AGPAT4: variants seen among roughly 807,000 people sequenced by gnomAD.
AGPAT4 encodes 1-acylglycerol-3-phosphate O-acyltransferase 4, also known as 1-acyl-sn-glycerol-3-phosphate acyltransferase delta.
Under a neutral mutation model 48.0 loss-of-function variants are expected in AGPAT4, and 15 were observed. The ratio of observed to expected loss-of-function variants is 0.31; its 90% CI spans 0.21 to 0.48. AGPAT4 has a LOEUF of 0.48. Among genes scored for constraint, AGPAT4 ranks in the 20% least tolerant of loss-of-function variants. AGPAT4 has a pLI of 0.99. For synonymous variants in AGPAT4, 178 were observed against 198.7 expected (o/e 0.90, Z 0.88); for missense variants, 314 against 482.5 (o/e 0.65, Z 3.27).
chr6:161,261,779 T>C lies in AGPAT4; in HGVS notation c.-90+12159A>G, dbSNP rs1323772074. ...TCTTTATTCCTTTTCTCTTTCTTTA[T>C]GAGTGGACCTTCGGCTTCTGACTGC... is the stretch of plus-strand genomic sequence containing the variant. On this transcript the variant is annotated intron_variant, in intron 1 of 8. Coordinates refer to ENST00000320285, the MANE Select transcript of AGPAT4 (RefSeq NM_020133.3). The surrounding 1 kb of genome is among the most constrained non-coding windows in gnomAD (Gnocchi z 5.3). Among the ~76,000 whole-genome samples, 1 of 152,216 alleles carries C rather than the reference T, an allele frequency of 6.6e-6. No individual in the cohort carries two copies. Among genetic ancestry groups the C allele is most frequent in the Non-Finnish European group, 1.5e-5 (1 of 68,036 alleles).
rs915732559 is a variant in AGPAT4 at position 161,202,246 on chromosome 6, C to T, written c.178+29790G>A. Among the ~76,000 whole-genome samples the T allele has an allele frequency of 3.3e-5, 5 of 152,080 alleles. No homozygotes were observed. The highest frequency in any genetic ancestry group is 7.2e-5 in the African/African-American group (3 of 41,420). On this transcript the variant is annotated intron_variant, in intron 2 of 8. Coordinates refer to ENST00000320285, the MANE Select transcript of AGPAT4 (RefSeq NM_020133.3). This position sits in a 1 kb window ranked among gnomAD's most constrained non-coding sequence, Gnocchi z 5.4. ...TCTGGCTTGGGGTCTCTGGGGATGT[C>T]GCAGTCAAGATGTCAGCTGGGGCTT...
At chr6:161,188,806 G>A (rs889849710) in intron 2 of AGPAT4, among the ~76,000 whole-genome samples, 2 of 152,122 alleles carry the variant, frequency 1.3e-5, no homozygotes, top group East Asian at 1.9e-4. Flanking sequence ...AGCGGCCGTC[G>A]AATGGGGCTT....
chr6:161,143,843 T>C lies in AGPAT4; in HGVS notation c.843+2681A>G, dbSNP rs1779331294. 7.2e-6 allele frequency: 2 copies of C among 276,906 alleles called. No homozygotes were observed. Among genetic ancestry groups the C allele is most frequent in the Admixed American group, 9.5e-5 (2 of 20,962 alleles). 17.2% of individuals were successfully genotyped at this position (276,906 alleles called of 1,614,324 possible). On this transcript the variant is annotated intron_variant, in intron 7 of 8. Coordinates refer to ENST00000320285, the MANE Select transcript of AGPAT4 (RefSeq NM_020133.3). This position sits in a 1 kb window ranked among gnomAD's most constrained non-coding sequence, Gnocchi z 4.7. ...ATGTCCATGCTTGGAAAGACCAGAA[T>C]GTTGGCACACCTCTGTTGGCTGCCT...
Position 161,141,949 on chromosome 6 carries a change from G to A in AGPAT4, c.844-2329C>T, listed in dbSNP as rs554106044. Among the ~76,000 whole-genome samples, 27 of 151,838 alleles carry A rather than the reference G, an allele frequency of 1.8e-4. No homozygotes were observed. The highest frequency in any genetic ancestry group is 3.9e-4 in the Admixed American group (6 of 15,262). On this transcript the variant is annotated intron_variant, in intron 7 of 8. Transcript: ENST00000320285. The surrounding 1 kb of genome is among the most constrained non-coding windows in gnomAD (Gnocchi z 6.7). ...ACGATCTCCTCTCACTGCAACCTCCGCCTCCCGGGTTCAAGCAATTTTCCC... is the reference window on the plus strand; with the variant it reads ...ACGATCTCCTCTCACTGCAACCTCCACCTCCCGGGTTCAAGCAATTTTCCC...
At position 161,171,057 on chromosome 6, in the gene AGPAT4, G is replaced by T. The variant is rs1780255090; in HGVS notation, c.179-4640C>A. On this transcript the variant is annotated intron_variant, in intron 2 of 8. Coordinates refer to ENST00000320285, the MANE Select transcript of AGPAT4 (RefSeq NM_020133.3). The surrounding 1 kb of genome is among the most constrained non-coding windows in gnomAD (Gnocchi z 4.4). Reference sequence around the variant, plus strand: ...CAGAAAGTTACCAGTGGGCACCTGAGCAATCCATCCCGACCAGAAGCTATC... The same window carrying T: ...CAGAAAGTTACCAGTGGGCACCTGATCAATCCATCCCGACCAGAAGCTATC... Among the ~76,000 whole-genome samples the T allele has an allele frequency of 6.6e-6, 1 of 152,206 alleles. No homozygotes were observed. Among genetic ancestry groups the T allele is most frequent in the Admixed American group, 6.5e-5 (1 of 15,286 alleles).
In AGPAT4 at chr6:161,246,544, G is replaced by A. The variant is rs930831404; in HGVS notation, c.-89-14242C>T. On this transcript the variant is annotated intron_variant, in intron 1 of 8. Transcript: ENST00000320285. The surrounding 1 kb of genome is among the most constrained non-coding windows in gnomAD (Gnocchi z 5.5). ...CCTGCCTCAGCCTCCCGAGTAGCTG[G>A]GATTACAGGCATGCGCCACCACGCC... 2.6e-5 allele frequency among the ~76,000 whole-genome samples: 4 copies of A among 152,004 alleles called. No individual in the cohort carries two copies. Among genetic ancestry groups the A allele is most frequent in the African/African-American group, 9.7e-5 (4 of 41,364 alleles).
In AGPAT4 at chr6:161,139,885, C is replaced by T. The variant is rs1162777496; in HGVS notation, c.844-265G>A. Among the ~76,000 whole-genome samples the T allele has an allele frequency of 6.6e-6, 1 of 152,240 alleles. No homozygotes were observed. Among genetic ancestry groups the T allele is most frequent in the Admixed American group, 6.5e-5 (1 of 15,294 alleles). Reference sequence around the variant, plus strand: ...GAGTGCAGGGCGTGGAGCATGAACCCTGGCGCCAGGCCAGCCTGGGCTAGG... The same window carrying T: ...GAGTGCAGGGCGTGGAGCATGAACCTTGGCGCCAGGCCAGCCTGGGCTAGG... On this transcript the variant is annotated intron_variant, in intron 7 of 8. Transcript: ENST00000320285. This position sits in a 1 kb window ranked among gnomAD's most constrained non-coding sequence, Gnocchi z 9.1.
intron 2 of AGPAT4, among the ~76,000 whole-genome samples, chr6:161,168,127 T>C (rs4299803): frequency 2.1e-5 from 3 of 143,332 alleles, no homozygotes; most frequent in African/African-American, 8.3e-5. Flanking sequence ...AAGGCGGTGG[T>C]GGGGTGGGGG....
In AGPAT4 at chr6:161,154,797, T is replaced by C. The variant is rs1309904822; in HGVS notation, c.349-487A>G. On this transcript the variant is annotated intron_variant, in intron 3 of 8. Transcript: ENST00000320285. The surrounding 1 kb of genome is among the most constrained non-coding windows in gnomAD (Gnocchi z 7.8). Reference sequence around the variant, plus strand: ...ATGTCAAACGCTAGAAAATGTAGCATTCCTAGGTGTGAGGTTAACATCCTT... The same window carrying C: ...ATGTCAAACGCTAGAAAATGTAGCACTCCTAGGTGTGAGGTTAACATCCTT... 1.3e-5 allele frequency among the ~76,000 whole-genome samples: 2 copies of C among 152,234 alleles called. No homozygotes were observed. The highest frequency in any genetic ancestry group is 4.8e-5 in the African/African-American group (2 of 41,466).
Position 161,233,344 on chromosome 6 carries a change from G to C in AGPAT4, c.-89-1042C>G, listed in dbSNP as rs1262120006. Among the ~76,000 whole-genome samples the C allele has an allele frequency of 6.6e-6, 1 of 152,160 alleles. No individual in the cohort carries two copies. The highest frequency in any genetic ancestry group is 1.5e-5 in the Non-Finnish European group (1 of 68,030). On this transcript the variant is annotated intron_variant, in intron 1 of 8. Coordinates refer to ENST00000320285, the MANE Select transcript of AGPAT4 (RefSeq NM_020133.3). This position sits in a 1 kb window ranked among gnomAD's most constrained non-coding sequence, Gnocchi z 5.4. The stretch of plus-strand genomic sequence containing the variant: ...GATGAAAAGGAAAGCTGTGAGCAGC[G>C]GACTCGCTTTTCCTGGAAGCAGAAG...
intron 2 of AGPAT4, among the ~76,000 whole-genome samples, chr6:161,181,654 T>C (rs1255104246): frequency 6.6e-6 from 1 of 152,214 alleles, no homozygotes; most frequent in Non-Finnish European, 1.5e-5. Flanking sequence ...CATGGCTCAC[T>C]GCAATCTCTG....
chr6:161,146,511 C>A lies in AGPAT4; in HGVS notation c.843+13G>T. On this transcript the variant is annotated intron_variant, in intron 7 of 8. Transcript: ENST00000320285. The surrounding 1 kb of genome is among the most constrained non-coding windows in gnomAD (Gnocchi z 7.1). ...TGCAACGTGAAGGGACCCCTGGCAC[C>A]CAGTGCACTGACCTTCTCCTGGTAG... 1 of 1,613,526 alleles carries A rather than the reference C, an allele frequency of 6.2e-7. No homozygotes were observed. Among genetic ancestry groups the A allele is most frequent in the Non-Finnish European group, 8.5e-7 (1 of 1,179,934 alleles).
intron 3 of AGPAT4, chr6:161,160,857 G>GCGTT (rs1358359282): frequency 7.8e-6 from 3 of 386,814 alleles, no homozygotes; most frequent in African/African-American, 6.2e-5. Flanking sequence ...CAGAGCAGAG[G>GCGTT]CGTTACAGGG....
intron 2 of AGPAT4, among the ~76,000 whole-genome samples, chr6:161,205,761 T>TAAC (rs140797829): frequency 0.16 from 24,081 of 148,966 alleles, 1,981 homozygotes; most frequent in East Asian, 0.19. Flanking sequence ...ATAATAATAA[T>TAAC]AACAACAAAC....
At position 161,133,319 on chromosome 6, in the gene AGPAT4, C is replaced by T. The variant is rs1260712321; in HGVS notation, c.*3221G>A. The T allele has an allele frequency of 6.6e-6, 1 of 152,000 alleles. No homozygotes were observed. The highest frequency in any genetic ancestry group is 1.5e-5 in the Non-Finnish European group (1 of 68,030). 9.4% of individuals were successfully genotyped at this position (152,000 alleles called of 1,614,324 possible). On this transcript the variant is annotated 3_prime_UTR_variant, in exon 9 of 9. Transcript: ENST00000320285. ...CCACATATGGATATATTAGAAAAAC[C>T]CTAATGTTTTAAAATTTTTTTAATC...
In AGPAT4 at chr6:161,139,507, G is replaced by C. The variant is rs977803845; in HGVS notation, c.957C>G (p.Leu319=). The C allele has an allele frequency of 1.9e-6, 3 of 1,613,992 alleles. No homozygotes were observed. The highest frequency in any genetic ancestry group is 3.3e-5 in the Admixed American group (2 of 60,004). The part of the protein sequence containing the change: ...VNWLFWASLV[L]YPFFQFLVSM... ...TGACCAGGAACTGGAAGAAAGGGTA[G>C]AGCACCAGCGAGGCCCAAAACAGCC... Residue 319 remains leucine (L), a synonymous_variant, in exon 8 of 9, where the codon CTC becomes CTG. Transcript: ENST00000320285. The surrounding 1 kb of genome is among the most constrained non-coding windows in gnomAD (Gnocchi z 9.1).
rs1779948512 is a variant in AGPAT4 at position 161,161,999 on chromosome 6, A to C, written c.348+4249T>G. ...TATTGATTTATGTTTATAGAGACAG[A>C]GATCTCACTGTGTTGCCCAGACTGG... On this transcript the variant is annotated intron_variant, in intron 3 of 8. Transcript: ENST00000320285. The surrounding 1 kb of genome is among the most constrained non-coding windows in gnomAD (Gnocchi z 4.6). 6.1e-6 allele frequency: 1 copy of C among 164,222 alleles called. No homozygotes were observed. Among genetic ancestry groups the C allele is most frequent in the African/African-American group, 2.4e-5 (1 of 41,738 alleles). 10.2% of individuals were successfully genotyped at this position (164,222 alleles called of 1,614,324 possible).
intron 2 of AGPAT4, among the ~76,000 whole-genome samples, chr6:161,192,127 A>T (rs1167700660): frequency 2.7e-4 from 20 of 73,456 alleles, no homozygotes; most frequent in Admixed American, 6.1e-4. Context: ...TCCCTCTACT[A>T]GTTTAGAAGT....
rs1374450848 is a variant in AGPAT4 at position 161,235,101 on chromosome 6, G to C, written c.-89-2799C>G. On this transcript the variant is annotated intron_variant, in intron 1 of 8. Transcript: ENST00000320285. This position sits in a 1 kb window ranked among gnomAD's most constrained non-coding sequence, Gnocchi z 6.2. ...CCATTTCCTAGCCTGGTGTGGGGTG[G>C]TTGCATGTGGGCTTGAGAGTTCAAC... is the stretch of plus-strand genomic sequence containing the variant. Among the ~76,000 whole-genome samples the C allele has an allele frequency of 6.6e-6, 1 of 151,974 alleles. No individual in the cohort carries two copies. Among genetic ancestry groups the C allele is most frequent in the Non-Finnish European group, 1.5e-5 (1 of 68,024 alleles).
Sources: gnomAD v4.1 joint callset for allele counts (sites outside exome capture counted in the v4.1 genomes callset) on GRCh38, gnomAD v4.1.1 for gene constraint, Gnocchi (gnomAD v3.1) non-coding constraint, MANE v1.5 for transcripts, NCBI Gene and HGNC (gene_info 2026-07-23, HGNC 2026-07-21) for gene names.